KIRREL1: variants seen among roughly 807,000 people sequenced by gnomAD.
KIRREL1 encodes kin of IRRE-like protein 1.
A neutral mutation model predicts 83.3 loss-of-function variants in KIRREL1; 25 were observed. The ratio of observed to expected loss-of-function variants is 0.30; its 90% confidence interval spans 0.22 to 0.42. The LOEUF is 0.42. Among genes scored for constraint, KIRREL1 ranks in the 10% least tolerant of loss-of-function variants. KIRREL1 has a pLI of 1.00. For synonymous variants in KIRREL1, 388 were observed against 410.4 expected (o/e 0.95, Z 0.66); for missense variants, 812 against 1,032.3 (o/e 0.79, Z 2.92).
At chr1:157,993,779 G>A (rs1259087587) in intron 1 of KIRREL1, 51 bp downstream of exon 1, 13 of 1,277,450 alleles carry the variant, frequency 1.0e-5, no homozygotes, top group Non-Finnish European at 1.4e-5. Flanking sequence ...CCGGGGCCGG[G>A]GCACTGCTTC....
intron 1 of KIRREL1, among the ~76,000 whole-genome samples, chr1:158,072,798 T>C (rs1221276842): frequency 6.6e-6 from 1 of 151,658 alleles, no homozygotes; most frequent in African/African-American, 2.4e-5. Context: ...GCGAGGGGGA[T>C]GTGGGAGAGC....
At chr1:158,078,500 G>T (rs905083351) in intron 3 of KIRREL1, among the ~76,000 whole-genome samples, 5 of 152,138 alleles carry the variant, frequency 3.3e-5, no homozygotes, top group Non-Finnish European at 5.9e-5. Flanking sequence ...TGGCTGGCAG[G>T]CTTGTTGGTG....
In KIRREL1 at chr1:158,078,086, T is replaced by A; in HGVS notation, c.298T>A (p.Cys100Ser). ...AELSDDASYE[C>S]QATEAALRSR... ...GCTCTCTGACGACGCCTCTTACGAG[T>A]GCCAGGCCACGGAGGCCGCCCTGCG... Residue 100 changes from cysteine to serine, a missense_variant, in exon 3 of 15, where the codon TGC becomes AGC. Transcript: ENST00000359209. The A allele has an allele frequency of 6.2e-7, 1 of 1,613,990 alleles. No individual in the cohort carries two copies. The highest frequency in any genetic ancestry group is 8.5e-7 in the Non-Finnish European group (1 of 1,179,978).
At chr1:158,075,455 G>A (rs1382002324) in intron 1 of KIRREL1, among the ~76,000 whole-genome samples, 1 of 152,220 alleles carries the variant, frequency 6.6e-6, no homozygotes, top group Non-Finnish European at 1.5e-5. Flanking sequence ...CACAGAGCAG[G>A]GCACATGTGC....
At chr1:158,005,783 A>G (rs6685618) in intron 1 of KIRREL1, among the ~76,000 whole-genome samples, 2,709 of 152,150 alleles carry the variant, frequency 0.018, 75 homozygotes, top group African/African-American at 0.062. Context: ...TCACACTCAC[A>G]TAGACCTCAT....
intron 6 of KIRREL1, 63 bp from the exon 7 acceptor site, chr1:158,087,943 G>A: frequency 6.2e-7 from 1 of 1,610,110 alleles, no homozygotes; most frequent in Non-Finnish European, 8.5e-7. Context: ...GAGGCCAGGT[G>A]TCATGGATGT....
chr1:158,082,161 C>T (rs1246050228), intron 3 of KIRREL1, among the ~76,000 whole-genome samples: 2 of 152,164 alleles, frequency 1.3e-5, no homozygotes, highest in Non-Finnish European at 2.9e-5. Context: ...GGATAATTAG[C>T]CAGGCAGGAG....
In KIRREL1 at chr1:158,093,741, G is replaced by A. The variant is rs1195969455; in HGVS notation, c.1698G>A (p.Arg566=). Residue 566 remains arginine (R), a synonymous_variant, in exon 13 of 15, where the codon CGG becomes CGA. Transcript: ENST00000359209. ...DDTASVSTAT[R]VMKAIYSSFK... is the part of the protein sequence containing the mutation. ...CCGCCAGCGTCTCCACAGCAACCCGGGTCATGAAGGCCATCTACTCGGTGA... is the reference window on the plus strand; with the variant it reads ...CCGCCAGCGTCTCCACAGCAACCCGAGTCATGAAGGCCATCTACTCGGTGA... 1.2e-6 allele frequency: 2 copies of A among 1,613,952 alleles called. No individual in the cohort carries two copies. The highest frequency in any genetic ancestry group is 2.2e-5 in the South Asian group (2 of 91,078).
At chr1:158,072,097 C>G (rs1175957195) in intron 1 of KIRREL1, among the ~76,000 whole-genome samples, 6 of 152,140 alleles carry the variant, frequency 3.9e-5, no homozygotes, top group East Asian at 1.9e-4. Context: ...CCTTGCCCTT[C>G]CCTTCTCTGC....
At chr1:158,034,861 C>T (rs185107152) in intron 1 of KIRREL1, among the ~76,000 whole-genome samples, 33 of 152,230 alleles carry the variant, frequency 2.2e-4, no homozygotes, top group East Asian at 3.9e-4. Flanking sequence ...AAAAATCACA[C>T]GTTTATTTCT....
rs1194772136 is a variant in KIRREL1, at chr1:158,084,582, G to A, written c.510+3G>A. The A allele has an allele frequency of 6.4e-7, 1 of 1,551,366 alleles. No homozygotes were observed. The highest frequency in any genetic ancestry group is 2.0e-5 in the Admixed American group (1 of 50,976). ...AGGAGGGCGCTGTGGCCAGCACGGTGAGCTCCAGCCAGCTCCCCCAGCTCC... is the reference window on the plus strand; with the variant it reads ...AGGAGGGCGCTGTGGCCAGCACGGTAAGCTCCAGCCAGCTCCCCCAGCTCC... On this transcript the variant is annotated splice_donor_region_variant and intron_variant, in intron 4 of 14. Coordinates refer to ENST00000359209, the MANE Select transcript of KIRREL1 (RefSeq NM_018240.7).
Position 158,095,020 on chromosome 1 carries a change from A to G in KIRREL1, c.2174A>G (p.Asp725Gly), listed in dbSNP as rs948605864. The G allele has an allele frequency of 3.1e-6, 5 of 1,613,790 alleles. No homozygotes were observed. In the Admixed American group the frequency reaches 5.0e-5, roughly 16 times the overall value. ...GAGCGGACCCCATATGAGGCGTATG[A>G]CCCCATTGGCAAGTACGCCACAGCC... The part of the protein sequence containing the change: ...GLERTPYEAY[D>G]PIGKYATATR... Residue 725 changes from aspartate to glycine, a missense_variant, in exon 15 of 15, where the codon GAC becomes GGC. Physicochemically the swap from Asp to Gly is moderately conservative, Grantham distance 94. This residue lies in a region of KIRREL1 where 334 missense variants were observed against 383.7 expected (regional missense o/e 0.87). Coordinates refer to ENST00000359209, the MANE Select transcript of KIRREL1 (RefSeq NM_018240.7).
At chr1:158,087,630 A>G (rs7514301) in intron 5 of KIRREL1, 125 bp from the exon 6 acceptor site, 4 of 653,724 alleles carry the variant, frequency 6.1e-6, no homozygotes, top group Admixed American at 2.8e-5. Flanking sequence ...ACTGGAGCCG[A>G]TACACTGCAA....
At chr1:158,067,178 G>C (rs1231263852) in intron 1 of KIRREL1, among the ~76,000 whole-genome samples, 1 of 152,164 alleles carries the variant, frequency 6.6e-6, no homozygotes, top group African/African-American at 2.4e-5. Flanking sequence ...GTGGGCCTGG[G>C]CTGGCAGGTC....
rs183660839 is a variant in KIRREL1 at position 158,099,543 on chromosome 1, G to C, written c.*4423G>C. The C allele has an allele frequency of 7.2e-5, 11 of 152,294 alleles. No individual in the cohort carries two copies. The highest frequency in any genetic ancestry group is 2.6e-4 in the Admixed American group (4 of 15,292). 9.4% of individuals were successfully genotyped at this position (152,294 alleles called of 1,614,324 possible). On this transcript the variant is annotated 3_prime_UTR_variant, in exon 15 of 15. Coordinates refer to ENST00000359209, the MANE Select transcript of KIRREL1 (RefSeq NM_018240.7). The stretch of plus-strand genomic sequence containing the variant: ...GGGAATCCCATTTTTTTGCATCACT[G>C]TGAGGTAGCTTCAGGCCCTGTCCCT...
intron 1 of KIRREL1, among the ~76,000 whole-genome samples, chr1:158,018,356 A>G (rs1206169585): frequency 6.6e-6 from 1 of 152,082 alleles, no homozygotes; most frequent in Admixed American, 6.5e-5. Flanking sequence ...GGGGCAGGGG[A>G]AGGGCTGTGG....
At chr1:158,085,193 G>A (rs939223227) in intron 4 of KIRREL1, among the ~76,000 whole-genome samples, 2 of 152,206 alleles carry the variant, frequency 1.3e-5, no homozygotes, top group South Asian at 2.1e-4. Flanking sequence ...ATAGCAAAGC[G>A]GACAGTACAG....
At chr1:158,009,227 C>T (rs1659604030) in intron 1 of KIRREL1, among the ~76,000 whole-genome samples, 2 of 152,112 alleles carry the variant, frequency 1.3e-5, no homozygotes, top group Admixed American at 1.3e-4. Flanking sequence ...ATGGAAAAGT[C>T]CTTCTTTCCC....
chr1:158,011,840 C>T (rs548478055), intron 1 of KIRREL1, among the ~76,000 whole-genome samples: 1 of 152,310 alleles, frequency 6.6e-6, no homozygotes, highest in East Asian at 1.9e-4. Context: ...TAGTCACACG[C>T]AGAAGCCTCC....
Sources: allele counts gnomAD v4.1 joint callset (sites outside exome capture counted in the v4.1 genomes callset), GRCh38; gene constraint gnomAD v4.1.1; regional missense constraint gnomAD v4.1.1; transcripts MANE v1.5; gene names NCBI Gene and HGNC (gene_info 2026-07-23, HGNC 2026-07-21).